PIEZO1: variants seen among roughly 807,000 people sequenced by gnomAD.
PIEZO1 encodes the protein piezo type mechanosensitive ion channel component 1 (Er blood group), also known as piezo-type mechanosensitive ion channel component 1.
In PIEZO1, 296 loss-of-function variants were observed where a neutral mutation model predicts 297.2. That is an observed-to-expected ratio of 1.00 (90% CI 0.91 to 1.10). The LOEUF is 1.10. Ranked by LOEUF, PIEZO1 falls within the 50% of genes least tolerant of loss-of-function variation. The pLI, the probability that PIEZO1 is intolerant of heterozygous loss-of-function variation, is 0.00. For missense variants in PIEZO1, 5,018 were observed against 3,455.5 expected, an observed-to-expected ratio of 1.45 and a Z score of -11.34; for synonymous variants, 2,427 against 1,507.5, an observed-to-expected ratio of 1.61 and a Z score of -14.13.
intron 19 of PIEZO1, 116 bp downstream of exon 19, chr16:88,733,162 G>T: frequency 1.0e-6 from 1 of 983,410 alleles, no homozygotes; most frequent in Non-Finnish European, 1.5e-6. Context: ...CCAGGGGAGA[G>T]TCCTCCATCT....
intron 1 of PIEZO1, among the ~76,000 whole-genome samples, chr16:88,761,550 G>A (rs1036444033): frequency 6.6e-6 from 1 of 152,208 alleles, no homozygotes; most frequent in African/African-American, 2.4e-5. Context: ...CGGGTGAGCT[G>A]GGAGGTGCCT....
rs1248584458 is a variant in PIEZO1, at chr16:88,726,396, T to C, written c.3856A>G (p.Ile1286Val). 6.4e-7 allele frequency: 1 copy of C among 1,550,470 alleles called. No homozygotes were observed. Among genetic ancestry groups the C allele is most frequent in the Admixed American group, 2.0e-5 (1 of 51,008 alleles). ...CLLPVEEAGI[I>V]WDSVCFFFLL... ...AAGAAGAAGCAGACGCTGTCCCAGA[T>C]GATGCCAGCCTCCTCCACAGGCAGC... is the stretch of plus-strand genomic sequence containing the variant. Residue 1286 changes from isoleucine (I) to valine (V), a missense_variant, in exon 27 of 51, where the codon ATC (isoleucine) becomes GTC (valine). Ile to Val is a conservative substitution (Grantham distance 29). Coordinates refer to ENST00000301015, the MANE Select transcript of PIEZO1 (RefSeq NM_001142864.4).
At chr16:88,741,992 TC>T in intron 4 of PIEZO1, 60 bp downstream of exon 4, 1 of 1,505,588 alleles carries the variant, frequency 6.6e-7, no homozygotes, top group East Asian at 2.5e-5. Context: ...TCCCCCCACT[TC>T]CTGGGGCCTG....
At position 88,720,231 on chromosome 16, in the gene PIEZO1, G is replaced by A; in HGVS notation, c.6002C>T (p.Pro2001Leu). ...ITSSLSDDQV[P>L]EAFLVMLLIQ... is the part of the protein sequence containing the mutation. ...CAGCAGCATGACCAGGAAAGCCTCG[G>A]GTACCTGGTCGTCTGATAGGGAGGA... Residue 2001 changes from proline (P) to leucine (L), a missense_variant, in exon 42 of 51, where the codon CCC (proline) becomes CTC (leucine). Physicochemically the swap from Pro to Leu is moderately conservative, Grantham distance 98. Coordinates refer to ENST00000301015, the MANE Select transcript of PIEZO1 (RefSeq NM_001142864.4). 1 of 1,550,550 alleles carries A rather than the reference G, an allele frequency of 6.4e-7. No individual in the cohort carries two copies. The highest frequency in any genetic ancestry group is 8.7e-7 in the Non-Finnish European group (1 of 1,146,978).
At position 88,716,197 on chromosome 16, in the gene PIEZO1, C is replaced by T; in HGVS notation, c.7129+1G>A. On this transcript the variant is annotated splice_donor_variant, in intron 49 of 50. Coordinates refer to ENST00000301015, the MANE Select transcript of PIEZO1 (RefSeq NM_001142864.4). LOFTEE classifies it high-confidence loss of function. Reference sequence around the variant, plus strand: ...CCCCCAACCCCCACGCCCATACTCACTGGGCTGCAGCTGCTTCACAGGGTT... The same window carrying T: ...CCCCCAACCCCCACGCCCATACTCATTGGGCTGCAGCTGCTTCACAGGGTT... 6.7e-7 allele frequency: 1 copy of T among 1,502,444 alleles called. No homozygotes were observed. The highest frequency in any genetic ancestry group is 8.9e-7 in the Non-Finnish European group (1 of 1,120,046). 93.1% of individuals were successfully genotyped at this position (1,502,444 alleles called of 1,614,324 possible).
intron 1 of PIEZO1, among the ~76,000 whole-genome samples, chr16:88,749,813 A>C (rs1906291575): frequency 6.6e-6 from 1 of 152,128 alleles, no homozygotes; most frequent in Admixed American, 6.6e-5. Context: ...GGATCACTTG[A>C]GGTCAGGAGT....
intron 44 of PIEZO1, chr16:88,718,277 G>C (rs993202554): frequency 6.5e-6 from 1 of 153,134 alleles, no homozygotes; most frequent in Non-Finnish European, 1.5e-5. Context: ...CCGCAACCTC[G>C]TGTTGGTGGT....
intron 21 of PIEZO1, 49 bp from the exon 22 acceptor site, chr16:88,731,959 A>ATGCACTGAGTCTGGGGGGAGGGGGGG (rs1482630762): frequency 1.6e-5 from 1 of 63,334 alleles, no homozygotes; most frequent in East Asian, 3.8e-4. Context: ...GTCTGGGGGG[A>ATGCACTGAGTCTGGGGGGAGGGGGGG]GGGACTTTCT....
At position 88,716,549 on chromosome 16, in the gene PIEZO1, C is replaced by T. The variant is rs1367911506; in HGVS notation, c.6926+10G>A. On this transcript the variant is annotated intron_variant, in intron 47 of 50. Coordinates refer to ENST00000301015, the MANE Select transcript of PIEZO1 (RefSeq NM_001142864.4). The stretch of plus-strand genomic sequence containing the variant: ...ACCCACCCAGGCACTGCCCCAAGTC[C>T]AGGACGAACCTCTGGAAGTTCCAGG... 2 of 1,540,088 alleles carry T rather than the reference C, an allele frequency of 1.3e-6. No homozygotes were observed. Among genetic ancestry groups the T allele is most frequent in the Admixed American group, 2.0e-5 (1 of 50,486 alleles).
chr16:88,778,624 G>A (rs953910700), intron 1 of PIEZO1, among the ~76,000 whole-genome samples: 5 of 152,204 alleles, frequency 3.3e-5, no homozygotes, highest in Admixed American at 6.5e-5. Flanking sequence ...CCTCAGAGCC[G>A]GCACCCGGGA....
chr16:88,740,006 G>A (rs1905533745), intron 5 of PIEZO1: 2 of 145,614 alleles, frequency 1.4e-5, no homozygotes, highest in Admixed American at 6.8e-5. Flanking sequence ...GCCACCGAGG[G>A]GCAGGCCCGG....
intron 28 of PIEZO1, 32 bp from the exon 29 acceptor site, chr16:88,725,551 A>G (rs1298328765): frequency 5.2e-6 from 8 of 1,535,518 alleles, no homozygotes; most frequent in Middle Eastern, 1.7e-4. Flanking sequence ...TATGCTGAGC[A>G]TTGGGGGGAG....
intron 1 of PIEZO1, among the ~76,000 whole-genome samples, chr16:88,775,726 C>CAAAAAAAAAAAAA (rs3052234): frequency 1.0e-5 from 1 of 98,750 alleles, no homozygotes; most frequent in Admixed American, 1.1e-4. Flanking sequence ...AAGACGCTGT[C>CAAAAAAAAAAAAA]AAAAAAAAAA....
chr16:88,764,054 T>C (rs1327753136), intron 1 of PIEZO1, among the ~76,000 whole-genome samples: 9 of 152,096 alleles, frequency 5.9e-5, no homozygotes, highest in Admixed American at 5.9e-4. Context: ...CACCAGATGC[T>C]GAGCTGGGTC....
chr16:88,735,322 C>T, intron 12 of PIEZO1, 76 bp from the exon 13 acceptor site: 1 of 1,043,654 alleles, frequency 9.6e-7, no homozygotes, highest in Non-Finnish European at 1.5e-6. Context: ...CCAGCACCCT[C>T]CTATAGCAGG....
Position 88,733,680 on chromosome 16 carries a change from G to T in PIEZO1, c.2395C>A (p.Leu799Ile). Residue 799 changes from leucine (L) to isoleucine (I), a missense_variant, in exon 18 of 51, where the codon CTC (leucine) becomes ATC (isoleucine). Transcript: ENST00000301015. ...LELAAGFSDV[L>I]SRVQVFLRRL... ...CGCAGGAACACCTGCACGCGTGAGAGGACGTCCGAGAAGCCGGCTGCCAGC... is the reference window on the plus strand; with the variant it reads ...CGCAGGAACACCTGCACGCGTGAGATGACGTCCGAGAAGCCGGCTGCCAGC... 4 of 1,549,580 alleles carry T rather than the reference G, an allele frequency of 2.6e-6. No individual in the cohort carries two copies. Among genetic ancestry groups the T allele is most frequent in the Non-Finnish European group, 3.5e-6 (4 of 1,146,538 alleles).
chr16:88,778,265 C>G, intron 1 of PIEZO1, among the ~76,000 whole-genome samples: 1 of 152,122 alleles, frequency 6.6e-6, no homozygotes, highest in East Asian at 1.9e-4. Flanking sequence ...TCTTCCTGGG[C>G]CCATTTTAGC....
chr16:88,722,893 T>C lies in PIEZO1; in HGVS notation c.4612A>G (p.Thr1538Ala), dbSNP rs1904292017. ...TCTGCCCGCAGCACGTCGCTCATGG[T>C]GCCGTGGTGCCGGGTGAACTCCTGC... ...WLQEFTRHHG[T>A]MSDVLRAERY... Residue 1538 changes from threonine to alanine, a missense_variant, in exon 34 of 51, where the codon ACC becomes GCC. Physicochemically the swap from Thr to Ala is moderately conservative, Grantham distance 58. Transcript: ENST00000301015. 6.5e-7 allele frequency: 1 copy of C among 1,549,020 alleles called. No individual in the cohort carries two copies. Among genetic ancestry groups the C allele is most frequent in the African/African-American group, 1.4e-5 (1 of 73,020 alleles).
chr16:88,737,673 C>T (rs1430155900), intron 9 of PIEZO1, 27 bp from the exon 10 acceptor site: 3 of 1,533,482 alleles, frequency 2.0e-6, no homozygotes, highest in Non-Finnish European at 2.6e-6. Context: ...CTGAGCCATG[C>T]ACGGGCTGGC....
Sources: allele counts gnomAD v4.1 joint callset (sites outside exome capture counted in the v4.1 genomes callset), GRCh38; gene constraint gnomAD v4.1.1; transcripts MANE v1.5; gene names NCBI Gene and HGNC (gene_info 2026-07-23, HGNC 2026-07-21).